Variants in ITGBL1 observed in about 807,000 individuals in gnomAD.
The protein encoded by ITGBL1 is integrin subunit beta like 1.
In ITGBL1, 51 loss-of-function variants were observed where a neutral mutation model predicts 68.5. The observed-to-expected ratio is 0.74, with a 90% CI of 0.59 to 0.94. The LOEUF (loss-of-function observed/expected upper bound fraction) is 0.94, where lower values mean the gene tolerates loss of function less well. ITGBL1 is among the 40% of genes least tolerant of loss of function. The pLI is 0.00. For missense variants in ITGBL1, 649 were observed against 647.4 expected, an observed-to-expected ratio of 1.00 and a Z score of -0.03; for synonymous variants, 209 against 227.3, an observed-to-expected ratio of 0.92 and a Z score of 0.72.
intron 2 of ITGBL1, among the ~76,000 whole-genome samples, chr13:101,527,631 CA>C (rs1344946417): frequency 6.6e-6 from 1 of 151,926 alleles, no homozygotes; most frequent in Non-Finnish European, 1.5e-5. Flanking sequence ...TAATAATCCT[CA>C]ACAATGTCTG....
At chr13:101,666,792 G>A (rs992604007) in intron 7 of ITGBL1, among the ~76,000 whole-genome samples, 29 of 152,096 alleles carry the variant, frequency 1.9e-4, no homozygotes, top group Middle Eastern at 3.2e-3. Context: ...TTAATAATAA[G>A]AGCCTCAGAG....
At chr13:101,627,439 G>A (rs1478956264) in intron 7 of ITGBL1, among the ~76,000 whole-genome samples, 2 of 151,820 alleles carry the variant, frequency 1.3e-5, no homozygotes, top group Admixed American at 1.3e-4. Context: ...TTACAAGTCA[G>A]GAACCTACAT....
chr13:101,593,711 T>A (rs2050696548), intron 6 of ITGBL1, among the ~76,000 whole-genome samples: 1 of 151,894 alleles, frequency 6.6e-6, no homozygotes, highest in Non-Finnish European at 1.5e-5. Context: ...AAAATAAAAT[T>A]GAAATCATAG....
intron 2 of ITGBL1, among the ~76,000 whole-genome samples, chr13:101,465,392 G>A (rs1439886172): frequency 6.6e-6 from 1 of 152,084 alleles, no homozygotes; most frequent in Non-Finnish European, 1.5e-5. Flanking sequence ...ATAAAACTAT[G>A]ATAAATTTTC....
intron 2 of ITGBL1, among the ~76,000 whole-genome samples, chr13:101,525,486 A>G (rs34288378): frequency 0.15 from 16,081 of 108,326 alleles, 1,505 homozygotes; most frequent in African/African-American, 0.31. Context: ...TGGCCCCCTT[A>G]TTCTGGCCTT....
intron 7 of ITGBL1, among the ~76,000 whole-genome samples, chr13:101,690,648 T>C (rs965913648): frequency 6.6e-6 from 1 of 152,048 alleles, no homozygotes; most frequent in Admixed American, 6.6e-5. Flanking sequence ...TTTATGCACA[T>C]TGAAAGGTGA....
chr13:101,612,993 C>T (rs537466055), intron 7 of ITGBL1, among the ~76,000 whole-genome samples: 18 of 152,194 alleles, frequency 1.2e-4, no homozygotes, highest in Admixed American at 3.3e-4. Flanking sequence ...GAGATGGCCA[C>T]GTGGCTGCAT....
At chr13:101,511,394 C>A (rs192178620) in intron 2 of ITGBL1, among the ~76,000 whole-genome samples, 14 of 152,186 alleles carry the variant, frequency 9.2e-5, no homozygotes, top group African/African-American at 3.4e-4. Context: ...TGAGTGGAAC[C>A]TGAGACTTGC....
intron 2 of ITGBL1, among the ~76,000 whole-genome samples, chr13:101,500,539 T>A (rs2048925360): frequency 6.6e-6 from 1 of 152,198 alleles, no homozygotes; most frequent in South Asian, 2.1e-4. Flanking sequence ...TACATGAATT[T>A]AAAAATCATT....
chr13:101,554,190 T>G (rs957412481), intron 2 of ITGBL1, among the ~76,000 whole-genome samples: 1 of 152,206 alleles, frequency 6.6e-6, no homozygotes, highest in Non-Finnish European at 1.5e-5. Flanking sequence ...TAAGGTTACA[T>G]TCTGTGGTAC....
At chr13:101,610,633 C>T (rs141166958) in intron 7 of ITGBL1, among the ~76,000 whole-genome samples, 2 of 152,198 alleles carry the variant, frequency 1.3e-5, no homozygotes, top group East Asian at 3.9e-4. Context: ...TAGATCATTG[C>T]CATGCTCATT....
intron 9 of ITGBL1, chr13:101,713,112 T>A (rs990632197): frequency 2.0e-5 from 3 of 152,198 alleles, no homozygotes; most frequent in African/African-American, 7.2e-5. Flanking sequence ...CTTTGAGAAG[T>A]GTGTCAAGAA....
intron 7 of ITGBL1, among the ~76,000 whole-genome samples, chr13:101,608,761 G>A (rs1045276391): frequency 4.6e-5 from 7 of 152,062 alleles, no homozygotes; most frequent in African/African-American, 1.7e-4. Context: ...AGAGGACCCT[G>A]GAATAGTCAT....
At chr13:101,492,442 A>G (rs921805560) in intron 2 of ITGBL1, among the ~76,000 whole-genome samples, 2 of 152,232 alleles carry the variant, frequency 1.3e-5, no homozygotes, top group African/African-American at 4.8e-5. Context: ...AATGGAGCTG[A>G]CACAGTTTAT....
intron 2 of ITGBL1, among the ~76,000 whole-genome samples, chr13:101,553,144 C>G (rs1298722332): frequency 1.3e-5 from 2 of 152,172 alleles, no homozygotes; most frequent in African/African-American, 2.4e-5. Context: ...TGGCCTGTTA[C>G]TTAGTGATTG....
At chr13:101,615,104 G>A (rs1233682479) in intron 7 of ITGBL1, among the ~76,000 whole-genome samples, 2 of 152,052 alleles carry the variant, frequency 1.3e-5, no homozygotes, top group African/African-American at 4.8e-5. Flanking sequence ...CTTCCTTGCT[G>A]TTTCTAACTT....
chr13:101,590,955 G>A (rs1210499044), intron 6 of ITGBL1, among the ~76,000 whole-genome samples: 7 of 151,938 alleles, frequency 4.6e-5, no homozygotes, highest in Admixed American at 6.6e-5. Context: ...ACAGGCTGGC[G>A]TGCAGTGGCA....
At chr13:101,477,756 C>T (rs112520237) in intron 2 of ITGBL1, among the ~76,000 whole-genome samples, 1 of 151,984 alleles carries the variant, frequency 6.6e-6, no homozygotes, top group Non-Finnish European at 1.5e-5. Flanking sequence ...CACATACAAC[C>T]TATCAAGATT....
At chr13:101,475,767 T>C (rs59935362) in intron 2 of ITGBL1, among the ~76,000 whole-genome samples, 5,423 of 128,904 alleles carry the variant, frequency 0.042, 345 homozygotes, top group African/African-American at 0.15. Context: ...AAGGGACTGG[T>C]GCAACATATT....
Sources: allele counts gnomAD v4.1 joint callset (sites outside exome capture counted in the v4.1 genomes callset), GRCh38; gene constraint gnomAD v4.1.1; transcripts MANE v1.5; gene names NCBI Gene and HGNC (gene_info 2026-07-23, HGNC 2026-07-21).